Variants in UNC79 observed in about 807,000 individuals in gnomAD.
UNC79 encodes the protein unc-79 subunit of NALCN channel complex.
Under a neutral mutation model 283.1 loss-of-function variants are expected in UNC79, and 37 were observed. The ratio of observed to expected loss-of-function variants is 0.13; its 90% CI spans 0.10 to 0.17. UNC79 has a LOEUF of 0.17. Among genes scored for constraint, UNC79 ranks in the 10% least tolerant of loss-of-function variants. The probability of loss-of-function intolerance (pLI) is 1.00; values close to 1 mark genes in which losing one functional copy is unlikely to be tolerated. For missense variants in UNC79, 2,272 were observed against 3,211.1 expected, an observed-to-expected ratio of 0.71 and a Z score of 7.07; for synonymous variants, 1,107 against 1,200.2, an observed-to-expected ratio of 0.92 and a Z score of 1.61.
chr14:93,682,797 A>T, intron 42 of UNC79, 103 bp downstream of exon 45: 4 of 1,083,252 alleles, frequency 3.7e-6, no homozygotes, highest in Middle Eastern at 2.0e-4. Context: ...CCTGCCATTT[A>T]CTAGCTATGT....
chr14:93,588,666 G>A (rs916640357), intron 22 of UNC79, among the ~76,000 whole-genome samples: 41 of 150,746 alleles, frequency 2.7e-4, no homozygotes, highest in Non-Finnish European at 4.4e-4. Context: ...ACGTGAACCC[G>A]GGAGGTGGAG....
chr14:93,352,334 ACCTT>A (rs1433248222), intron 1 of UNC79, among the ~76,000 whole-genome samples: 1 of 152,136 alleles, frequency 6.6e-6, no homozygotes, highest in African/African-American at 2.4e-5. Flanking sequence ...TCTGATGCCT[ACCTT>A]CATGTGCTCC....
intron 1 of UNC79, among the ~76,000 whole-genome samples, chr14:93,440,472 T>C (rs1245796545): frequency 1.3e-5 from 2 of 152,048 alleles, no homozygotes; most frequent in Non-Finnish European, 2.9e-5. Context: ...GATTATTTTT[T>C]CCTTGATTTC....
chr14:93,390,364 C>A (rs1293850656), intron 1 of UNC79, among the ~76,000 whole-genome samples: 1 of 152,110 alleles, frequency 6.6e-6, no homozygotes. Context: ...GAAAATCATT[C>A]TTAATTGGTG....
chr14:93,419,358 G>A (rs998612281), intron 1 of UNC79, among the ~76,000 whole-genome samples: 2 of 151,116 alleles, frequency 1.3e-5, no homozygotes, highest in African/African-American at 2.4e-5. Flanking sequence ...TAGTAGAGTC[G>A]GGGTTTCACC....
chr14:93,486,656 GGAAAAA>G (rs1322279337), intron 4 of UNC79, among the ~76,000 whole-genome samples: 13 of 78,506 alleles, frequency 1.7e-4, no homozygotes, highest in South Asian at 4.7e-4. Flanking sequence ...CTCTGTCTAA[GGAAAAA>G]AAAAAAAAAA....
At chr14:93,435,022 T>G (rs1322122576) in intron 1 of UNC79, among the ~76,000 whole-genome samples, 2 of 152,212 alleles carry the variant, frequency 1.3e-5, no homozygotes, top group Non-Finnish European at 2.9e-5. Context: ...CCCATGTATA[T>G]GTAAGGGCCA....
At chr14:93,671,635 G>A (rs886562501) in intron 40 of UNC79, among the ~76,000 whole-genome samples, 1 of 152,112 alleles carries the variant, frequency 6.6e-6, no homozygotes, top group African/African-American at 2.4e-5. Context: ...AACTGGGCAT[G>A]ATGGCACATG....
At chr14:93,374,586 A>G (rs1205927183) in intron 1 of UNC79, among the ~76,000 whole-genome samples, 1 of 152,084 alleles carries the variant, frequency 6.6e-6, no homozygotes, top group Non-Finnish European at 1.5e-5. Context: ...TCACTTAGGA[A>G]GGCGTACAAT....
intron 1 of UNC79, among the ~76,000 whole-genome samples, chr14:93,450,296 G>A (rs1430438744): frequency 2.0e-5 from 3 of 152,176 alleles, no homozygotes; most frequent in Non-Finnish European, 4.4e-5. Flanking sequence ...CACTGTGGAG[G>A]AGAGTAGGAA....
Position 93,538,231 on chromosome 14 carries a change from T to A in UNC79, c.1352+13T>A. On this transcript the variant is annotated intron_variant, in intron 12 of 48. Transcript: ENST00000555664. ...AAGCCGTGATCAGGTAACACGCAGT[T>A]TCTTAGTAGCTGCCTCTGACAACTC... is the stretch of plus-strand genomic sequence containing the variant. 6.5e-7 allele frequency: 1 copy of A among 1,547,560 alleles called. No individual in the cohort carries two copies. The highest frequency in any genetic ancestry group is 2.3e-5 in the East Asian group (1 of 43,276).
intron 1 of UNC79, among the ~76,000 whole-genome samples, chr14:93,415,438 T>A (rs1489544459): frequency 1.3e-5 from 2 of 152,282 alleles, no homozygotes; most frequent in African/African-American, 4.8e-5. Flanking sequence ...TTATTGAGGA[T>A]TTTTTGCATC....
intron 40 of UNC79, among the ~76,000 whole-genome samples, chr14:93,671,181 T>C (rs867885255): frequency 4.6e-5 from 7 of 152,282 alleles, no homozygotes; most frequent in African/African-American, 1.7e-4. Context: ...TAATTACAAG[T>C]TGTGGAAAGA....
intron 1 of UNC79, among the ~76,000 whole-genome samples, chr14:93,373,407 G>GA (rs1048200212): frequency 3.3e-4 from 48 of 145,308 alleles, no homozygotes; most frequent in African/African-American, 8.3e-4. Context: ...GGCTATCTGA[G>GA]AAAAAAAAAA....
chr14:93,626,914 TG>T (rs1229941543), intron 30 of UNC79, among the ~76,000 whole-genome samples: 1 of 152,164 alleles, frequency 6.6e-6, no homozygotes, highest in Admixed American at 6.5e-5. Context: ...CTGGGCATGG[TG>T]GCACACACCT....
exon 27 of UNC79, chr14:93,612,958 A>G: frequency 6.2e-7 from 1 of 1,614,166 alleles, no homozygotes; most frequent in East Asian, 2.2e-5. Context: ...AAAGGCCTTC[A>G]ACACGGTCAA....
intron 26 of UNC79, among the ~76,000 whole-genome samples, chr14:93,612,480 A>C (rs528779826): frequency 3.9e-5 from 6 of 152,330 alleles, no homozygotes; most frequent in Admixed American, 2.6e-4. Context: ...CATATTAAAA[A>C]ATTTGCTAAA....
At chr14:93,376,655 C>T (rs907801914) in intron 1 of UNC79, among the ~76,000 whole-genome samples, 1 of 152,010 alleles carries the variant, frequency 6.6e-6, no homozygotes, top group African/African-American at 2.4e-5. Flanking sequence ...GAGCAGTTAG[C>T]TATTATAGAA....
Position 93,690,252 on chromosome 14 carries a change from C to G in UNC79, c.7221C>G (p.His2407Gln). The change falls in exon 45 of 49, where the codon CAC becomes CAG. Residue 2407 changes from histidine to glutamine, a missense_variant. His to Gln is a conservative substitution (Grantham distance 24). Coordinates refer to ENST00000555664, the Ensembl canonical transcript of UNC79. This position sits in a 1 kb window ranked among gnomAD's most constrained non-coding sequence, Gnocchi z 4.3. ...CCATTCCTCTGGATGCAGGCTCCCA[C>G]GTTGCAGACCATCTTATTGTTATCC... is the stretch of plus-strand genomic sequence containing the variant. 6.2e-7 allele frequency: 1 copy of G among 1,614,172 alleles called. No homozygotes were observed. Among genetic ancestry groups the G allele is most frequent in the Non-Finnish European group, 8.5e-7 (1 of 1,180,038 alleles).
Sources: allele counts gnomAD v4.1 joint callset (sites outside exome capture counted in the v4.1 genomes callset), GRCh38; gene constraint gnomAD v4.1.1; non-coding constraint Gnocchi (gnomAD v3.1); transcripts MANE v1.5; gene names NCBI Gene and HGNC (gene_info 2026-07-23, HGNC 2026-07-21).